The following PNKP variants were observed in gnomAD, a reference collection of about 807,000 sequenced individuals.
PNKP encodes polynucleotide kinase 3'-phosphatase.
Under a neutral mutation model 66.2 loss-of-function variants are expected in PNKP, and 82 were observed. That is an observed-to-expected ratio of 1.24 (90% CI 1.04 to 1.49). The LOEUF (loss-of-function observed/expected upper bound fraction) is 1.49. Among genes scored for constraint, PNKP ranks in the 40% most tolerant of loss-of-function variants. The probability of loss-of-function intolerance (pLI) is 0.00; values close to 1 mark genes in which losing one functional copy is unlikely to be tolerated. For synonymous variants in PNKP, 412 were observed against 298.9 expected (o/e 1.38, Z -3.90); for missense variants, 907 against 706.8 (o/e 1.28, Z -3.21).
At chr19:49,863,861 A>C (rs530155006) in intron 7 of PNKP, 101 bp from the exon 8 acceptor site, 649 of 1,368,960 alleles carry the variant, frequency 4.7e-4, no homozygotes, top group Non-Finnish European at 6.2e-4. Flanking sequence ...TCCTATCAGC[A>C]TCACACTGCC....
chr19:49,864,398 A>G lies in PNKP; in HGVS notation c.504T>C (p.Ala168=). Residue 168 remains alanine, a synonymous_variant, in exon 5 of 17, where the codon GCT becomes GCC. Coordinates refer to ENST00000322344, the MANE Select transcript of PNKP (RefSeq NM_007254.4). ...TGAGCGTCCCGTCCAGATCAAAGCC[A>G]GCCACCTGGTGTCACCAAGGAAAGA... ...AAGVKPQGKV[A]GFDLDGTLIT... is the part of the protein sequence containing the mutation. 6.2e-7 allele frequency: 1 copy of G among 1,613,350 alleles called. No homozygotes were observed. Among genetic ancestry groups the G allele is most frequent in the Non-Finnish European group, 8.5e-7 (1 of 1,179,356 alleles).
intron 3 of PNKP, 168 bp from the exon 4 acceptor site, chr19:49,865,594 T>C (rs941376637): frequency 1.8e-6 from 1 of 553,174 alleles, no homozygotes. Flanking sequence ...TTCAGCCTTG[T>C]CCGAATCTTT....
In PNKP at chr19:49,862,713, ATGGATATGGGCGTGCCGTCGT is replaced by A. The variant is rs1555811217; in HGVS notation, c.821_841del (p.Asn274_Ser280del). On this transcript the variant is annotated inframe_deletion, in exon 9 of 17. Transcript: ENST00000322344. ...ACCTCCCACAAAGATGCTGTCCCCG[ATGGATATGGGCGTGCCGTCGT>A]TGGCCTACGGGAGACGGTAGTGAGG... is the stretch of plus-strand genomic sequence containing the variant. 1.2e-6 allele frequency: 2 copies of A among 1,614,058 alleles called. No homozygotes were observed. The highest frequency in any genetic ancestry group is 1.7e-5 in the Admixed American group (1 of 60,020).
Position 49,862,716 on chromosome 19 carries a change from G to A in PNKP, c.839C>T (p.Ser280Phe), listed in dbSNP as rs780624862. 2 of 1,614,124 alleles carry A rather than the reference G, an allele frequency of 1.2e-6. No individual in the cohort carries two copies. Among genetic ancestry groups the A allele is most frequent in the Non-Finnish European group, 1.7e-6 (2 of 1,179,982 alleles). ...QEQANDGTPI[S>F]IGDSIFVGDA... ...TCCCACAAAGATGCTGTCCCCGATG[G>A]ATATGGGCGTGCCGTCGTTGGCCTA... Residue 280 changes from serine (S) to phenylalanine (F), a missense_variant, in exon 9 of 17, where the codon TCC becomes TTC. By Grantham distance (155) the Ser-to-Phe change is radical (BLOSUM62 -2). Coordinates refer to ENST00000322344, the MANE Select transcript of PNKP (RefSeq NM_007254.4).
chr19:49,866,552 G>A (rs767226213), intron 2 of PNKP, 107 bp from the exon 3 acceptor site: 9 of 1,070,794 alleles, frequency 8.4e-6, no homozygotes, highest in East Asian at 4.7e-5. Context: ...GGAGTAAGAG[G>A]CAGTTTATTT....
In PNKP at chr19:49,867,561, C is replaced by T; in HGVS notation, c.-106G>A. 1 of 221,794 alleles carries T rather than the reference C, an allele frequency of 4.5e-6. No homozygotes were observed. Among genetic ancestry groups the T allele is most frequent in the Non-Finnish European group, 8.4e-6 (1 of 118,786 alleles). The allele number at this position is 221,794 out of a possible 1,614,324, so 13.7% of individuals were successfully genotyped here. ...CAACCCGGCCGGCGGCGGTCGGTTC[C>T]TCGGCGGACGGAAATGACTCGTCCC... On this transcript the variant is annotated 5_prime_UTR_variant, in exon 1 of 17. Coordinates refer to ENST00000322344, the MANE Select transcript of PNKP (RefSeq NM_007254.4).
intron 11 of PNKP, 23 bp downstream of exon 11, chr19:49,862,348 C>T (rs1467798250): frequency 2.0e-6 from 3 of 1,468,124 alleles, no homozygotes; most frequent in Non-Finnish European, 2.8e-6. Flanking sequence ...ATCCCCACCC[C>T]CACCCCCGCC....
Position 49,862,580 on chromosome 19 carries a change from G to A in PNKP, c.894C>T (p.Ala298=). 1 of 1,613,308 alleles carries A rather than the reference G, an allele frequency of 6.2e-7. No homozygotes were observed. The highest frequency in any genetic ancestry group is 8.5e-7 in the Non-Finnish European group (1 of 1,179,622). Residue 298 remains alanine (A), a synonymous_variant, in exon 10 of 17, where the codon GCC becomes GCT. Transcript: ENST00000322344. ...GDAAGRPANW[A]PGRKKKDFSC... ...AGAAGTCTTTCTTCTTCCGCCCCGG[G>A]GCCCAGTTGGCCGGGCGTCCGGCTG...
Position 49,861,458 on chromosome 19 carries a change from TA to T in PNKP, c.1438del (p.Tyr480MetfsTer?). The T allele has an allele frequency of 6.2e-7, 1 of 1,612,894 alleles. No homozygotes were observed. The highest frequency in any genetic ancestry group is 1.1e-5 in the South Asian group (1 of 91,062). On this transcript the variant is annotated frameshift_variant, in exon 16 of 17. Coordinates refer to ENST00000322344, the MANE Select transcript of PNKP (RefSeq NM_007254.4). LOFTEE classifies it low-confidence loss of function (END_TRUNC). ...SHIPVSDMVM[Y>X]GYRKQFEAPT... ...CTATCCCCAACAGTACCTGTAGCCA[TA>T]CATGACCATGTCTGACACGGGGATA...
In PNKP at chr19:49,863,758, C is replaced by A; in HGVS notation, c.747G>T (p.Val249=). Reference sequence around the variant, plus strand: ...ACAAGCCTGCGTGCGTGGCCACCAGCACCTGTGGATGGGAGGGGGCCACCA... The same window carrying A: ...ACAAGCCTGCGTGCGTGGCCACCAGAACCTGTGGATGGGAGGGGGCCACCA... ...VVEKLGVPFQ[V]LVATHAGLYR... The change falls in exon 8 of 17, where the codon GTG becomes GTT. Residue 249 remains valine, a splice_region_variant and synonymous_variant. Coordinates refer to ENST00000322344, the MANE Select transcript of PNKP (RefSeq NM_007254.4). The A allele has an allele frequency of 6.4e-7, 1 of 1,558,922 alleles. No homozygotes were observed. The highest frequency in any genetic ancestry group is 8.7e-7 in the Non-Finnish European group (1 of 1,150,650).
At chr19:49,862,906 CCCTCCGTGGTCTCTCCA>C in intron 8 of PNKP, 168 bp from the exon 9 acceptor site, 3 of 746,638 alleles carry the variant, frequency 4.0e-6, no homozygotes, top group Non-Finnish European at 4.7e-6. Context: ...GCCCCCTCCC[CCCTCCGTGGTCTCTCCA>C]CACAGCCCCC....
Position 49,862,559 on chromosome 19 carries a change from GTCTT to G in PNKP, c.911_914del (p.Lys304ThrfsTer57). 6.2e-7 allele frequency: 1 copy of G among 1,612,446 alleles called. No individual in the cohort carries two copies. The highest frequency in any genetic ancestry group is 2.2e-5 in the East Asian group (1 of 44,802). ...TCACCAGGCGATCGGCGCAGGAGAA[GTCTT>G]TCTTCTTCCGCCCCGGGGCCCAGTT... On this transcript the variant is annotated frameshift_variant, in exon 10 of 17. Transcript: ENST00000322344. LOFTEE classifies it high-confidence loss of function.
Position 49,865,208 on chromosome 19 carries a change from A to T in PNKP, c.417T>A (p.Arg139=), listed in dbSNP as rs1060504643. 1 of 1,614,180 alleles carries T rather than the reference A, an allele frequency of 6.2e-7. No individual in the cohort carries two copies. The highest frequency in any genetic ancestry group is 8.5e-7 in the Non-Finnish European group (1 of 1,180,028). Reference sequence around the variant, plus strand: ...CCCAGCCGGGGTTTGACTTCCGCATACGCTTCTTCGGCAGCTCAGCATCTC... The same window carrying T: ...CCCAGCCGGGGTTTGACTTCCGCATTCGCTTCTTCGGCAGCTCAGCATCTC... ...EKRDAELPKK[R]MRKSNPGWEN... The change falls in exon 4 of 17, where the codon CGT becomes CGA. Residue 139 remains arginine, a synonymous_variant. Coordinates refer to ENST00000322344, the MANE Select transcript of PNKP (RefSeq NM_007254.4).
chr19:49,863,198 G>T (rs1193733735), intron 8 of PNKP, among the ~76,000 whole-genome samples: 1 of 152,178 alleles, frequency 6.6e-6, no homozygotes, highest in Non-Finnish European at 1.5e-5. Flanking sequence ...CAAGGGGGGG[G>T]ACCGCTTTCC....
Position 49,861,376 on chromosome 19 carries a change from T to G in PNKP, c.1449-11A>C. ...GCCTCGAACTGCTTCCTGGCAGTGGTGGGAACAGTGAGGGACAGCCTGGAT... is the reference window on the plus strand; with the variant it reads ...GCCTCGAACTGCTTCCTGGCAGTGGGGGGAACAGTGAGGGACAGCCTGGAT... On this transcript the variant is annotated splice_polypyrimidine_tract_variant and intron_variant, in intron 16 of 16. Transcript: ENST00000322344. 2 of 1,613,654 alleles carry G rather than the reference T, an allele frequency of 1.2e-6. No homozygotes were observed. Among genetic ancestry groups the G allele is most frequent in the South Asian group, 1.1e-5 (1 of 91,078 alleles).
Position 49,861,802 on chromosome 19 carries a change from T to C in PNKP, c.1268A>G (p.Asn423Ser), listed in dbSNP as rs1422752776. The change falls in exon 14 of 17, where the codon AAC becomes AGC. Residue 423 changes from asparagine (N) to serine (S), a missense_variant. By Grantham distance (46) the Asn-to-Ser change is conservative. Coordinates refer to ENST00000322344, the MANE Select transcript of PNKP (RefSeq NM_007254.4). ...GCGGCTCGCGGCGTCTGGGTTTGTG[T>C]TGTCGATGGCGACCCGTTTCCCTTG... Reference protein sequence around the residue: ...LKQGKRVAIDNTNPDAASRAR... With the variant: ...LKQGKRVAIDSTNPDAASRAR... 1 of 1,576,332 alleles carries C rather than the reference T, an allele frequency of 6.3e-7. No individual in the cohort carries two copies. The highest frequency in any genetic ancestry group is 1.9e-5 in the Admixed American group (1 of 54,036).
In PNKP at chr19:49,862,712, G is replaced by A. The variant is rs1352718613; in HGVS notation, c.843C>T (p.Ile281=). Reference sequence around the variant, plus strand: ...TACCTCCCACAAAGATGCTGTCCCCGATGGATATGGGCGTGCCGTCGTTGG... The same window carrying A: ...TACCTCCCACAAAGATGCTGTCCCCAATGGATATGGGCGTGCCGTCGTTGG... ...EQANDGTPIS[I]GDSIFVGDAA... is the part of the protein sequence containing the mutation. Residue 281 remains isoleucine, a synonymous_variant, in exon 9 of 17, where the codon ATC becomes ATT. Coordinates refer to ENST00000322344, the MANE Select transcript of PNKP (RefSeq NM_007254.4). 8.1e-6 allele frequency: 13 copies of A among 1,614,100 alleles called. No homozygotes were observed. In the East Asian group the frequency reaches 2.7e-4, roughly 33 times the overall value.
intron 15 of PNKP, 30 bp downstream of exon 15, chr19:49,861,564 TCAGGGGGTGCAGCC>T: frequency 5.6e-6 from 6 of 1,079,376 alleles, no homozygotes; most frequent in Non-Finnish European, 7.5e-6. Flanking sequence ...AGGAGGGGGG[TCAGGGGGTGCAGCC>T]CGGGGGGTGT....
chr19:49,864,149 G>T (rs375294634), intron 6 of PNKP, 30 bp downstream of exon 6: 5 of 1,612,764 alleles, frequency 3.1e-6, no homozygotes, highest in African/African-American at 2.7e-5. Context: ...CCACGTGCAC[G>T]TGCCCATGCA....
Sources: gnomAD v4.1 joint callset for allele counts (sites outside exome capture counted in the v4.1 genomes callset) on GRCh38, gnomAD v4.1.1 for gene constraint, MANE v1.5 for transcripts, NCBI Gene and HGNC (gene_info 2026-07-23, HGNC 2026-07-21) for gene names.